Variants in SYT1 observed in about 807,000 individuals in gnomAD.
SYT1 encodes synaptotagmin-1.
SYT1 carries 8 observed loss-of-function variants against 44.8 expected under a neutral mutation model. The ratio of observed to expected loss-of-function variants is 0.18; its 90% CI spans 0.10 to 0.32. The LOEUF is 0.32. Among genes scored for constraint, SYT1 ranks in the 10% least tolerant of loss-of-function variants. SYT1 has a pLI of 1.00. For missense variants in SYT1, 286 were observed against 509.3 expected (o/e 0.56, Z 4.22); for synonymous variants, 154 against 188.8 (o/e 0.82, Z 1.51).
In SYT1 at chr12:79,172,034, T is replaced by C. The variant is rs142345119; in HGVS notation, c.-17-45469T>C. 1.3e-3 allele frequency among the ~76,000 whole-genome samples: 202 copies of C among 152,080 alleles called. 1 individual carries two copies. The Middle Eastern group carries it at 0.02, about 15-fold the overall frequency. The stretch of plus-strand genomic sequence containing the variant: ...ATATCATGCAAATCTTTATCTCTTT[T>C]AATTATTTATTTAATGACAGAAAAA... On this transcript the variant is annotated intron_variant, in intron 3 of 10. Coordinates refer to ENST00000261205, the MANE Select transcript of SYT1 (RefSeq NM_005639.3).
At chr12:79,239,547 G>A (rs950137397) in intron 4 of SYT1, among the ~76,000 whole-genome samples, 1 of 152,140 alleles carries the variant, frequency 6.6e-6, no homozygotes, top group Non-Finnish European at 1.5e-5. Flanking sequence ...TAGGTATGAG[G>A]TATATGAGAA....
chr12:79,372,261 C>G (rs1883820552), intron 9 of SYT1, among the ~76,000 whole-genome samples: 1 of 152,026 alleles, frequency 6.6e-6, no homozygotes, highest in Admixed American at 6.6e-5. Flanking sequence ...AATGAAAACT[C>G]GAATAGTTCA....
At position 79,331,607 on chromosome 12, in the gene SYT1, T is replaced by G. The variant is rs1400455117; in HGVS notation, c.811-21895T>G. 2.6e-5 allele frequency among the ~76,000 whole-genome samples: 4 copies of G among 152,292 alleles called. No homozygotes were observed. The Middle Eastern group carries it at 0.01, about 389-fold the overall frequency. ...TAAAGCAATAGAAATAATTTGTCCCTTTGCAGCATTTTTTATCCCTTTGCA... is the reference window on the plus strand; with the variant it reads ...TAAAGCAATAGAAATAATTTGTCCCGTTGCAGCATTTTTTATCCCTTTGCA... On this transcript the variant is annotated intron_variant, in intron 8 of 10. Coordinates refer to ENST00000261205, the MANE Select transcript of SYT1 (RefSeq NM_005639.3).
intron 8 of SYT1, among the ~76,000 whole-genome samples, chr12:79,335,324 C>T (rs912334203): frequency 6.6e-6 from 1 of 151,104 alleles, no homozygotes; most frequent in Non-Finnish European, 1.5e-5. Context: ...AGCCTTTCCT[C>T]GTATTTCTTC....
intron 1 of SYT1, among the ~76,000 whole-genome samples, chr12:78,867,295 G>A (rs1873595935): frequency 6.6e-6 from 1 of 151,934 alleles, no homozygotes; most frequent in Non-Finnish European, 1.5e-5. Context: ...GAAAATTTAG[G>A]CTTGGTTTGT....
At chr12:79,179,498 T>TAGATATAGATATAG (rs1872342472) in intron 3 of SYT1, among the ~76,000 whole-genome samples, 1 of 111,540 alleles carries the variant, frequency 9.0e-6, no homozygotes, top group Non-Finnish European at 1.7e-5. Context: ...TATATCTATA[T>TAGATATAGATATAG]AGATATAGAT....
intron 2 of SYT1, among the ~76,000 whole-genome samples, chr12:79,019,543 A>G (rs1872046662): frequency 6.6e-6 from 1 of 152,056 alleles, no homozygotes; most frequent in Non-Finnish European, 1.5e-5. Flanking sequence ...CTATCTGTAT[A>G]GATGTAATTA....
intron 9 of SYT1, among the ~76,000 whole-genome samples, chr12:79,382,743 C>CTT (rs1211571984): frequency 6.6e-6 from 1 of 152,148 alleles, no homozygotes; most frequent in Non-Finnish European, 1.5e-5. Flanking sequence ...AGGTTTTTCA[C>CTT]TTTTTAAATG....
intron 8 of SYT1, among the ~76,000 whole-genome samples, chr12:79,307,642 G>T (rs1291598652): frequency 6.6e-6 from 1 of 151,496 alleles, no homozygotes; most frequent in South Asian, 2.1e-4. Context: ...GGGCGTGGGG[G>T]GGGGCGGCAG....
chr12:79,336,489 G>A (rs1882095609), intron 8 of SYT1, among the ~76,000 whole-genome samples: 1 of 151,534 alleles, frequency 6.6e-6, no homozygotes, highest in Admixed American at 6.6e-5. Flanking sequence ...CTCTCTAACT[G>A]CAATTCTTTG....
chr12:79,070,795 A>G (rs1341533265), intron 3 of SYT1, among the ~76,000 whole-genome samples: 3 of 152,086 alleles, frequency 2.0e-5, no homozygotes, highest in Non-Finnish European at 4.4e-5. Context: ...TGAGTGACAG[A>G]TCATTTATTC....
At chr12:78,903,946 C>T (rs1018753078) in intron 1 of SYT1, among the ~76,000 whole-genome samples, 2 of 151,822 alleles carry the variant, frequency 1.3e-5, no homozygotes, top group Admixed American at 6.6e-5. Flanking sequence ...TAAAAAATCA[C>T]ATATTATTAA....
chr12:79,369,253 A>T (rs1883685431), intron 9 of SYT1, among the ~76,000 whole-genome samples: 1 of 152,188 alleles, frequency 6.6e-6, no homozygotes, highest in Non-Finnish European at 1.5e-5. Flanking sequence ...AGGCTGAGGC[A>T]GGAGGATTGC....
At chr12:78,891,235 T>C (rs1262256979) in intron 1 of SYT1, among the ~76,000 whole-genome samples, 1 of 151,934 alleles carries the variant, frequency 6.6e-6, no homozygotes, top group Non-Finnish European at 1.5e-5. Context: ...ATTTATGGTG[T>C]ACAAAGCACT....
chr12:79,213,320 T>C (rs532869563), intron 3 of SYT1, among the ~76,000 whole-genome samples: 6 of 152,288 alleles, frequency 3.9e-5, no homozygotes, highest in African/African-American at 1.4e-4. Context: ...CAGGATTATA[T>C]TGGATACTTG....
Position 79,451,084 on chromosome 12 carries a change from T to C in SYT1, c.*1960T>C, listed in dbSNP as rs192478652. ...CTAAAGAGAATTCAAAAAGGGCTGA[T>C]GGTAGGCTTTGAACATGGGGTTGGC... On this transcript the variant is annotated 3_prime_UTR_variant, in exon 11 of 11. Transcript: ENST00000261205. 3 of 152,358 alleles carry C rather than the reference T, an allele frequency of 2.0e-5. No individual in the cohort carries two copies. The highest frequency in any genetic ancestry group is 1.3e-4 in the Admixed American group (2 of 15,296). The allele number at this position is 152,358 out of a possible 1,614,324, so 9.4% of individuals were successfully genotyped here.
chr12:78,998,989 G>A (rs1870554227), intron 2 of SYT1, among the ~76,000 whole-genome samples: 1 of 152,118 alleles, frequency 6.6e-6, no homozygotes, highest in Non-Finnish European at 1.5e-5. Flanking sequence ...ATAAAGCGTG[G>A]TGATAAAAAG....
intron 9 of SYT1, among the ~76,000 whole-genome samples, chr12:79,399,384 G>A (rs1265333101): frequency 4.7e-5 from 7 of 149,482 alleles, no homozygotes; most frequent in Admixed American, 1.4e-4. Context: ...TAAAAATTCA[G>A]ATATGATATT....
intron 3 of SYT1, among the ~76,000 whole-genome samples, chr12:79,195,534 A>C (rs945573693): frequency 6.7e-6 from 1 of 149,926 alleles, no homozygotes; most frequent in African/African-American, 2.5e-5. Flanking sequence ...AAGAGAATAC[A>C]GTATGAATGA....
Sources: gnomAD v4.1 joint callset for allele counts (sites outside exome capture counted in the v4.1 genomes callset) on GRCh38, gnomAD v4.1.1 for gene constraint, MANE v1.5 for transcripts, NCBI Gene and HGNC (gene_info 2026-07-23, HGNC 2026-07-21) for gene names.